SPAG9: variants seen among roughly 807,000 people sequenced by gnomAD.
SPAG9 encodes the protein sperm associated antigen 9.
SPAG9 carries 35 observed loss-of-function variants against 166.5 expected under a neutral mutation model. The ratio of observed to expected loss-of-function variants is 0.21; its 90% CI spans 0.16 to 0.28. The LOEUF (loss-of-function observed/expected upper bound fraction) is 0.28, where lower values mean the gene tolerates loss of function less well. Ranked by LOEUF, SPAG9 falls within the 10% of genes least tolerant of loss-of-function variation. The pLI, the probability that SPAG9 is intolerant of heterozygous loss-of-function variation, is 1.00. For synonymous variants in SPAG9, 534 were observed against 565.5 expected (o/e 0.94, Z 0.79); for missense variants, 1,235 against 1,603.3 (o/e 0.77, Z 3.92).
rs2045360036 is a variant in SPAG9, at chr17:51,009,274, TTAAC to T, written c.1214-1952_1214-1949del. ...AAATTGACAAGATGTAGAGAAACCA[TTAAC>T]TAAACACAATGAAGTGTAAATATTT... On this transcript the variant is annotated intron_variant, in intron 9 of 29. Transcript: ENST00000262013. The T allele has an allele frequency of 2.0e-5, 7 of 357,420 alleles. No homozygotes were observed. In the Admixed American group the frequency reaches 2.7e-4, roughly 14 times the overall value. 22.1% of individuals were successfully genotyped at this position (357,420 alleles called of 1,614,324 possible). A position where few individuals can be genotyped will look rare whatever the true frequency, so the allele number is the denominator to read the frequency against.
At chr17:51,104,534 G>C (rs1463086453) in intron 1 of SPAG9, among the ~76,000 whole-genome samples, 6 of 152,144 alleles carry the variant, frequency 3.9e-5, no homozygotes, top group African/African-American at 1.4e-4. Flanking sequence ...TACTCCAGAG[G>C]CTGAGACAGG....
intron 6 of SPAG9, among the ~76,000 whole-genome samples, chr17:51,029,022 CAT>C (rs561657611): frequency 2.6e-5 from 4 of 152,268 alleles, no homozygotes; most frequent in South Asian, 2.1e-4. Context: ...CTCTTTCTAA[CAT>C]ATTTATTTTA....
chr17:51,089,626 A>G, intron 1 of SPAG9, among the ~76,000 whole-genome samples: 1 of 59,822 alleles, frequency 1.7e-5, no homozygotes, highest in East Asian at 5.1e-4. Flanking sequence ...TATTTTATAT[A>G]TATATATATA....
intron 18 of SPAG9, among the ~76,000 whole-genome samples, chr17:50,994,386 C>T (rs951133853): frequency 1.3e-5 from 2 of 152,144 alleles, no homozygotes; most frequent in African/African-American, 2.4e-5. Context: ...TTCCCAGTCT[C>T]GGGTATGTGT....
chr17:51,114,952 A>C (rs1025074496), intron 1 of SPAG9, among the ~76,000 whole-genome samples: 1 of 123,476 alleles, frequency 8.1e-6, no homozygotes, highest in African/African-American at 2.9e-5. Flanking sequence ...ACTCTGTCTC[A>C]AAAAAAAAAA....
chr17:51,004,670 T>C (rs1469480033), intron 12 of SPAG9, among the ~76,000 whole-genome samples: 1 of 151,948 alleles, frequency 6.6e-6, no homozygotes, highest in Non-Finnish European at 1.5e-5. Flanking sequence ...GTGGAAGTTG[T>C]AGTGAGCTGA....
chr17:50,974,869 A>T lies in SPAG9; in HGVS notation c.3602T>A (p.Val1201Glu). The change falls in exon 28 of 30, where the codon GTG (valine) becomes GAG (glutamate). Residue 1201 changes from valine to glutamate, a missense_variant. Coordinates refer to ENST00000262013, the MANE Select transcript of SPAG9 (RefSeq NM_001130528.3). Reference sequence around the variant, plus strand: ...ATAGGGTATAAATGTCCCTGGAGTCACTTTATCACTGTTTTCATCACCATA... The same window carrying T: ...ATAGGGTATAAATGTCCCTGGAGTCTCTTTATCACTGTTTTCATCACCATA... The part of the protein sequence containing the change: ...RVYGDENSDK[V>E]TPGTFIPYCS... The T allele has an allele frequency of 6.2e-7, 1 of 1,612,890 alleles. No individual in the cohort carries two copies. Among genetic ancestry groups the T allele is most frequent in the Non-Finnish European group, 8.5e-7 (1 of 1,179,728 alleles).
At chr17:51,042,953 C>G (rs1216198878) in intron 4 of SPAG9, among the ~76,000 whole-genome samples, 1 of 152,092 alleles carries the variant, frequency 6.6e-6, no homozygotes, top group Non-Finnish European at 1.5e-5. Flanking sequence ...TACAGTGGGA[C>G]GATCTCGGCT....
At chr17:50,971,629 G>A (rs900699699) in intron 28 of SPAG9, among the ~76,000 whole-genome samples, 4 of 151,600 alleles carry the variant, frequency 2.6e-5, no homozygotes, top group Non-Finnish European at 5.9e-5. Context: ...CACCATGCCC[G>A]GCTAACTTTT....
At chr17:51,025,620 T>A (rs1353368951) in intron 6 of SPAG9, among the ~76,000 whole-genome samples, 1 of 151,756 alleles carries the variant, frequency 6.6e-6, no homozygotes, top group Non-Finnish European at 1.5e-5. Flanking sequence ...CTGGACACGG[T>A]CGGCTCATGC....
rs1260603250 is a variant in SPAG9 at position 50,985,573 on chromosome 17, TA to T, written c.3020+124del. ...ACTTCTCTAGTTCCATAAAAAGGGT[TA>T]AAAAAACAAACAAATTGGATACTAA... is the stretch of plus-strand genomic sequence containing the variant. On this transcript the variant is annotated intron_variant, in intron 23 of 29. Transcript: ENST00000262013. 1.3e-5 allele frequency: 8 copies of T among 595,968 alleles called. No homozygotes were observed. The South Asian group carries it at 1.7e-4, about 12-fold the overall frequency. 36.9% of individuals were successfully genotyped at this position (595,968 alleles called of 1,614,324 possible). A position where few individuals can be genotyped will look rare whatever the true frequency, so the allele number is the denominator to read the frequency against.
intron 12 of SPAG9, 50 bp from the exon 13 acceptor site, chr17:51,001,895 T>G: frequency 6.4e-7 from 1 of 1,564,924 alleles, no homozygotes; most frequent in Non-Finnish European, 8.7e-7. Context: ...ATAAATGTCT[T>G]GGTGTTCATC....
intron 1 of SPAG9, among the ~76,000 whole-genome samples, chr17:51,101,259 T>C (rs2048799365): frequency 1.3e-5 from 2 of 148,818 alleles, no homozygotes; most frequent in Admixed American, 1.4e-4. Flanking sequence ...GGCAGGAGAA[T>C]TGCTCAAACC....
At position 50,995,217 on chromosome 17, in the gene SPAG9, C is replaced by T. The variant is rs967908201; in HGVS notation, c.2066G>A (p.Cys689Tyr). The change falls in exon 18 of 30, where the codon TGT becomes TAT. Residue 689 changes from cysteine (C) to tyrosine (Y), a missense_variant. Around this residue, in one of 6 missense-constraint regions of SPAG9, gnomAD observed 493 missense variants for 559.4 expected, o/e 0.88. Coordinates refer to ENST00000262013, the MANE Select transcript of SPAG9 (RefSeq NM_001130528.3). ...DEKDTSMKLW[C>Y]AVGVNLSGGK... is the part of the protein sequence containing the mutation. Reference sequence around the variant, plus strand: ...ACCAGATAAATTGACTCCAACAGCACACCACAGCTTCTCAGGTGAAAAAGA... The same window carrying T: ...ACCAGATAAATTGACTCCAACAGCATACCACAGCTTCTCAGGTGAAAAAGA... 7 of 1,612,790 alleles carry T rather than the reference C, an allele frequency of 4.3e-6. No individual in the cohort carries two copies. In the Admixed American group the frequency reaches 5.0e-5, roughly 12 times the overall value.
chr17:51,021,326 T>C lies in SPAG9; in HGVS notation c.823A>G (p.Thr275Ala), dbSNP rs1328947364. 6.2e-7 allele frequency: 1 copy of C among 1,614,074 alleles called. No homozygotes were observed. Among genetic ancestry groups the C allele is most frequent in the South Asian group, 1.1e-5 (1 of 91,076 alleles). ...SDVSQGGSKA[T>A]TPASTANSDV... ...GAATTAGCTGTTGATGCTGGAGTGG[T>C]AGCTTTAGATCCGCCTTGGCTAACA... The change falls in exon 7 of 30, where the codon ACC becomes GCC. Residue 275 changes from threonine to alanine, a missense_variant. Around this residue, in one of 6 missense-constraint regions of SPAG9, gnomAD observed 288 missense variants for 323.7 expected, o/e 0.89. Coordinates refer to ENST00000262013, the MANE Select transcript of SPAG9 (RefSeq NM_001130528.3).
intron 1 of SPAG9, among the ~76,000 whole-genome samples, chr17:51,116,370 A>T (rs2049288107): frequency 6.6e-6 from 1 of 152,164 alleles, no homozygotes. Context: ...ACAGCAAATC[A>T]TGCCTGTTTT....
intron 1 of SPAG9, among the ~76,000 whole-genome samples, chr17:51,113,353 CAA>C (rs34917845): frequency 0.062 from 5,890 of 95,770 alleles, 419 homozygotes; most frequent in African/African-American, 0.22. Context: ...AATGCCATAT[CAA>C]AAAAAAAAAA....
At chr17:51,075,927 C>G (rs1300275232) in intron 2 of SPAG9, among the ~76,000 whole-genome samples, 2 of 151,808 alleles carry the variant, frequency 1.3e-5, no homozygotes, top group Non-Finnish European at 2.9e-5. Context: ...AGCCCTGTCT[C>G]TACTAAAAAT....
chr17:50,969,545 G>C (rs1306304739), intron 29 of SPAG9, among the ~76,000 whole-genome samples: 1 of 151,852 alleles, frequency 6.6e-6, no homozygotes, highest in Admixed American at 6.6e-5. Context: ...GTTCTCTTTT[G>C]CTTGAAAGAT....
Sources: gnomAD v4.1 joint callset for allele counts (sites outside exome capture counted in the v4.1 genomes callset) on GRCh38, gnomAD v4.1.1 for gene constraint, gnomAD v4.1.1 regional missense constraint, MANE v1.5 for transcripts, NCBI Gene and HGNC (gene_info 2026-07-23, HGNC 2026-07-21) for gene names.